Variants in PCCA observed in about 807,000 individuals in gnomAD.
PCCA encodes propionyl-CoA carboxylase alpha chain, mitochondrial.
A neutral mutation model predicts 101.3 loss-of-function variants in PCCA; 74 were observed. The ratio of observed to expected loss-of-function variants is 0.73; its 90% CI spans 0.61 to 0.89. The LOEUF (loss-of-function observed/expected upper bound fraction) is 0.89. Among genes scored for constraint, PCCA ranks in the 40% least tolerant of loss-of-function variants. PCCA has a pLI of 0.00. For synonymous variants in PCCA, 294 were observed against 313.6 expected, an observed-to-expected ratio of 0.94 and a Z score of 0.66; for missense variants, 891 against 907.0, an observed-to-expected ratio of 0.98 and a Z score of 0.23.
intron 18 of PCCA, among the ~76,000 whole-genome samples, chr13:100,363,148 T>G (rs573372302): frequency 1.3e-5 from 2 of 152,312 alleles, no homozygotes; most frequent in South Asian, 4.1e-4. Context: ...CTACTAAAAC[T>G]TGTACTTAAC....
At chr13:100,099,651 A>G (rs7991210) in intron 1 of PCCA, among the ~76,000 whole-genome samples, 67,022 of 151,474 alleles carry the variant, frequency 0.44, 15,485 homozygotes, top group East Asian at 0.71. Context: ...ATTTTTTTCC[A>G]GCCACTGCAA....
chr13:100,519,427 C>T (rs543105682), intron 22 of PCCA, among the ~76,000 whole-genome samples: 2 of 152,386 alleles, frequency 1.3e-5, no homozygotes, highest in East Asian at 1.9e-4. Context: ...GAGGTGTCTG[C>T]GGTTGTTCCT....
In PCCA at chr13:100,472,816, G is replaced by C. The variant is rs560915982; in HGVS notation, c.1899+23511G>C. On this transcript the variant is annotated intron_variant, in intron 21 of 23. Coordinates refer to ENST00000376285, the MANE Select transcript of PCCA (RefSeq NM_000282.4). ...ATTGAGGAATTAGCTGGTCTTGGGA[G>C]AGGCAGTGTCTTTCTGGGTCTGTAA... Among the ~76,000 whole-genome samples, 325 of 151,992 alleles carry C rather than the reference G, an allele frequency of 2.1e-3. 4 individuals carry two copies. The highest frequency in any genetic ancestry group is 7.4e-3 in the African/African-American group (308 of 41,452).
chr13:100,515,579 G>A lies in PCCA; in HGVS notation c.2040+12G>A. The stretch of plus-strand genomic sequence containing the variant: ...AGCCTGGAGACGCGGTAAGGGCTGT[G>A]TGTGTCTCTCTGCAGGACATGCTGG... On this transcript the variant is annotated intron_variant, in intron 22 of 23. Transcript: ENST00000376285. 6.2e-7 allele frequency: 1 copy of A among 1,611,994 alleles called. No individual in the cohort carries two copies. The highest frequency in any genetic ancestry group is 1.1e-5 in the South Asian group (1 of 91,080).
intron 20 of PCCA, among the ~76,000 whole-genome samples, chr13:100,432,944 A>T (rs1448952755): frequency 6.6e-6 from 1 of 152,236 alleles, no homozygotes; most frequent in Non-Finnish European, 1.5e-5. Flanking sequence ...TTCAAGGTTC[A>T]TCCAGGTTAT....
intron 4 of PCCA, among the ~76,000 whole-genome samples, chr13:100,141,471 C>T (rs1361744836): frequency 4.6e-5 from 7 of 152,064 alleles, no homozygotes; most frequent in Non-Finnish European, 8.8e-5. Context: ...AGTGCAGTGG[C>T]GTGATCTCGG....
intron 21 of PCCA, among the ~76,000 whole-genome samples, chr13:100,451,408 G>A (rs1201702671): frequency 6.6e-6 from 1 of 151,986 alleles, no homozygotes; most frequent in African/African-American, 2.4e-5. Flanking sequence ...ATAGATCTTG[G>A]ACACCTTTCT....
intron 12 of PCCA, among the ~76,000 whole-genome samples, chr13:100,284,338 C>G (rs2152635506): frequency 6.6e-6 from 1 of 152,298 alleles, no homozygotes; most frequent in East Asian, 1.9e-4. Context: ...TTGTTGTCCC[C>G]TACTTGAGGA....
intron 19 of PCCA, among the ~76,000 whole-genome samples, chr13:100,391,532 GT>G (rs2076801235): frequency 6.6e-6 from 1 of 152,170 alleles, no homozygotes; most frequent in Non-Finnish European, 1.5e-5. Flanking sequence ...ATCAATCCAT[GT>G]GGTCAGATAG....
intron 16 of PCCA, among the ~76,000 whole-genome samples, chr13:100,311,943 G>A (rs970368176): frequency 6.6e-6 from 1 of 152,116 alleles, no homozygotes; most frequent in Non-Finnish European, 1.5e-5. Context: ...CTTCTCCAGA[G>A]AATTTACCGT....
chr13:100,453,730 T>C (rs2081505761), intron 21 of PCCA, among the ~76,000 whole-genome samples: 1 of 151,940 alleles, frequency 6.6e-6, no homozygotes, highest in Admixed American at 6.6e-5. Context: ...TTTTATCCAC[T>C]TCAGGCACCC....
In PCCA at chr13:100,164,030, A is replaced by G. The variant is rs570979712; in HGVS notation, c.468+6690A>G. Among the ~76,000 whole-genome samples, 118 of 152,234 alleles carry G rather than the reference A, an allele frequency of 7.8e-4. 1 individual carries two copies. The highest frequency in any genetic ancestry group is 2.5e-3 in the African/African-American group (104 of 41,558). ...CCTTCTCTTCCCATCACTATCCTCT[A>G]TGTTATAGTTGTCATATGTATTTCA... On this transcript the variant is annotated intron_variant, in intron 6 of 23. Transcript: ENST00000376285.
At chr13:100,151,084 G>A in intron 4 of PCCA, 1 of 1,511,000 alleles carries the variant, frequency 6.6e-7, no homozygotes, top group Non-Finnish European at 9.2e-7. Flanking sequence ...GGATGTACTC[G>A]TATGCACCCA....
intron 19 of PCCA, among the ~76,000 whole-genome samples, chr13:100,392,775 A>T (rs984116528): frequency 6.6e-6 from 1 of 152,224 alleles, no homozygotes; most frequent in African/African-American, 2.4e-5. Context: ...AACAGAATCC[A>T]TGTAGCGTTT....
chr13:100,221,433 T>C (rs1439667070), intron 7 of PCCA, among the ~76,000 whole-genome samples: 1 of 152,134 alleles, frequency 6.6e-6, no homozygotes, highest in Non-Finnish European at 1.5e-5. Context: ...ATACACTTGG[T>C]TTTGCTTGTT....
chr13:100,188,114 G>T (rs1052972365), intron 6 of PCCA, among the ~76,000 whole-genome samples: 4 of 152,122 alleles, frequency 2.6e-5, no homozygotes, highest in Non-Finnish European at 4.4e-5. Context: ...CCAACATGGT[G>T]AAACCCCGTC....
intron 21 of PCCA, among the ~76,000 whole-genome samples, chr13:100,504,471 A>T (rs956723622): frequency 6.6e-6 from 1 of 152,108 alleles, no homozygotes; most frequent in Non-Finnish European, 1.5e-5. Context: ...AGCGATTTAG[A>T]TCCCTGTGTG....
chr13:100,289,507 C>T (rs2064966577), intron 12 of PCCA, among the ~76,000 whole-genome samples: 1 of 151,940 alleles, frequency 6.6e-6, no homozygotes, highest in African/African-American at 2.4e-5. Flanking sequence ...AAATTTAATT[C>T]TTCCCATTTT....
chr13:100,103,348 A>G (rs1339241316), intron 2 of PCCA, among the ~76,000 whole-genome samples: 2 of 148,008 alleles, frequency 1.4e-5, no homozygotes, highest in Non-Finnish European at 3.0e-5. Context: ...GTCATGCTCT[A>G]TCACCCAGGC....
Sources: allele counts gnomAD v4.1 joint callset (sites outside exome capture counted in the v4.1 genomes callset), GRCh38; gene constraint gnomAD v4.1.1; transcripts MANE v1.5; gene names NCBI Gene and HGNC (gene_info 2026-07-23, HGNC 2026-07-21).